Variants in LMX1A observed in about 807,000 individuals in gnomAD.
LMX1A encodes LIM homeobox transcription factor 1 alpha.
LMX1A carries 15 observed loss-of-function variants against 49.1 expected under a neutral mutation model. The observed-to-expected ratio is 0.31, with a 90% CI of 0.20 to 0.47. The LOEUF is 0.47. LMX1A is among the 20% of genes least tolerant of loss of function. The pLI, the probability that LMX1A is intolerant of heterozygous loss-of-function variation, is 1.00. For synonymous variants in LMX1A, 167 were observed against 185.7 expected, an observed-to-expected ratio of 0.90 and a Z score of 0.82; for missense variants, 372 against 475.8, an observed-to-expected ratio of 0.78 and a Z score of 2.03.
rs573087258 is a variant in LMX1A, at chr1:165,280,408, A to T, written c.264-30768T>A. 5.9e-5 allele frequency among the ~76,000 whole-genome samples: 9 copies of T among 151,610 alleles called. No individual in the cohort carries two copies. In the South Asian group the frequency reaches 1.7e-3, roughly 28 times the overall value. ...CCCTGATGAGCCATCATCTGAAGCCAGCCTCTTCAGTGGGCTGAGGGCTGA... is the reference window on the plus strand; with the variant it reads ...CCCTGATGAGCCATCATCTGAAGCCTGCCTCTTCAGTGGGCTGAGGGCTGA... On this transcript the variant is annotated intron_variant, in intron 3 of 8. Coordinates refer to ENST00000342310, the MANE Select transcript of LMX1A (RefSeq NM_177398.4).
intron 3 of LMX1A, among the ~76,000 whole-genome samples, chr1:165,278,689 G>A (rs1654045191): frequency 6.6e-6 from 1 of 152,198 alleles, no homozygotes; most frequent in Non-Finnish European, 1.5e-5. Context: ...CAGTTGTATA[G>A]GAGATGGCAG....
chr1:165,247,736 C>T (rs898137378), intron 4 of LMX1A, among the ~76,000 whole-genome samples: 4 of 152,188 alleles, frequency 2.6e-5, no homozygotes, highest in African/African-American at 9.7e-5. Context: ...TATATGCATT[C>T]TCTCTCATTC....
At chr1:165,228,024 T>A (rs1857748) in intron 4 of LMX1A, among the ~76,000 whole-genome samples, 152,281 of 152,386 alleles carry the variant, frequency 1, 76,088 homozygotes, top group Middle Eastern at 1. Context: ...AGTAGTGAAT[T>A]AAACAGACAG....
intron 4 of LMX1A, among the ~76,000 whole-genome samples, chr1:165,214,565 C>T (rs1003087598): frequency 6.6e-6 from 1 of 152,278 alleles, no homozygotes; most frequent in Non-Finnish European, 1.5e-5. Context: ...GCACTGAGTG[C>T]CCTAAATGCC....
Position 165,202,757 on chromosome 1 carries a change from G to A in LMX1A, c.*1123C>T, listed in dbSNP as rs895124541. 4 of 152,480 alleles carry A rather than the reference G, an allele frequency of 2.6e-5. No homozygotes were observed. Among genetic ancestry groups the A allele is most frequent in the African/African-American group, 7.2e-5 (3 of 41,392 alleles). 9.4% of individuals were successfully genotyped at this position (152,480 alleles called of 1,614,324 possible). On this transcript the variant is annotated 3_prime_UTR_variant, in exon 9 of 9. Transcript: ENST00000342310. ...GATCCCTCTGAACTGCTCTGAGCTG[G>A]TGTCTCCTTCAGCACAGGCTTTGCA...
chr1:165,288,529 C>T (rs1004384838), intron 3 of LMX1A, among the ~76,000 whole-genome samples: 2 of 152,152 alleles, frequency 1.3e-5, no homozygotes, highest in African/African-American at 4.8e-5. Context: ...AAAAACCCCT[C>T]CTGGGCCGGT....
rs867899826 is a variant in LMX1A, at chr1:165,203,684, A to G, written c.*196T>C. 6.2e-6 allele frequency: 3 copies of G among 481,054 alleles called. No individual in the cohort carries two copies. The highest frequency in any genetic ancestry group is 1.1e-5 in the Non-Finnish European group (3 of 266,978). The allele number at this position is 481,054 out of a possible 1,614,324, so 29.8% of individuals were successfully genotyped here. A position where few individuals can be genotyped will look rare whatever the true frequency, so the allele number is the denominator to read the frequency against. ...TAATGCTAAGACTCTTATTAGAAAC[A>G]TTAAACTATGCAATCCATAATGTAT... On this transcript the variant is annotated 3_prime_UTR_variant, in exon 9 of 9. Transcript: ENST00000342310.
At chr1:165,239,118 C>T (rs1430717784) in intron 4 of LMX1A, among the ~76,000 whole-genome samples, 1 of 152,054 alleles carries the variant, frequency 6.6e-6, no homozygotes, top group Non-Finnish European at 1.5e-5. Context: ...TTATTTTTTA[C>T]AGAGGTGGAG....
rs186807467 is a variant in LMX1A, at chr1:165,204,006, G to A, written c.1023C>T (p.Asp341=). ...CACCCAGGTTACTGAGGGAGGTGTC[G>A]TCGCTATCCAGGTCATGGAAAAGGG... ...AEPLFHDLDS[D]DTSLSNLGDC... Residue 341 remains aspartate (D), a synonymous_variant, in exon 9 of 9, where the codon GAC becomes GAT. Coordinates refer to ENST00000342310, the MANE Select transcript of LMX1A (RefSeq NM_177398.4). 17 of 1,614,122 alleles carry A rather than the reference G, an allele frequency of 1.1e-5. No homozygotes were observed. In the Admixed American group the frequency reaches 1.3e-4, roughly 13 times the overall value.
chr1:165,335,766 A>G (rs1208905302), intron 3 of LMX1A, among the ~76,000 whole-genome samples: 1 of 152,142 alleles, frequency 6.6e-6, no homozygotes, highest in African/African-American at 2.4e-5. Context: ...TTTATCTTCT[A>G]TTTGAAGCTC....
chr1:165,270,981 C>T (rs1360121536), intron 3 of LMX1A, among the ~76,000 whole-genome samples: 24 of 152,188 alleles, frequency 1.6e-4, no homozygotes, highest in Non-Finnish European at 2.8e-4. Flanking sequence ...TCCCAACAGC[C>T]AGCCATTTCC....
chr1:165,208,449 G>T (rs1651191932), intron 6 of LMX1A, among the ~76,000 whole-genome samples: 1 of 152,152 alleles, frequency 6.6e-6, no homozygotes, highest in Non-Finnish European at 1.5e-5. Context: ...TAGGTAATAA[G>T]TGTGTGACTG....
intron 3 of LMX1A, among the ~76,000 whole-genome samples, chr1:165,255,115 A>G (rs1653191086): frequency 1.3e-5 from 2 of 152,280 alleles, no homozygotes; most frequent in South Asian, 2.1e-4. Context: ...GGGAGTTCAC[A>G]TTCTCTGGAA....
At chr1:165,242,943 A>AC (rs1234205489) in intron 4 of LMX1A, among the ~76,000 whole-genome samples, 1 of 150,040 alleles carries the variant, frequency 6.7e-6, no homozygotes, top group Non-Finnish European at 1.5e-5. Flanking sequence ...AAAAAAAAAA[A>AC]AAAACAAAAC....
chr1:165,249,150 C>CTG (rs10650881), intron 4 of LMX1A, among the ~76,000 whole-genome samples: 1,586 of 152,178 alleles, frequency 0.01, 37 homozygotes, highest in African/African-American at 0.036. Context: ...CCGGACATTT[C>CTG]TGTGTGTGTG....
At chr1:165,301,413 C>T (rs979477615) in intron 3 of LMX1A, among the ~76,000 whole-genome samples, 1 of 152,108 alleles carries the variant, frequency 6.6e-6, no homozygotes, top group Non-Finnish European at 1.5e-5. Context: ...AATTCTATAA[C>T]ACATTATGAT....
intron 2 of LMX1A, among the ~76,000 whole-genome samples, chr1:165,354,975 C>T (rs756234364): frequency 2.0e-5 from 3 of 152,138 alleles, no homozygotes; most frequent in Non-Finnish European, 4.4e-5. Flanking sequence ...AGGGCCCAGC[C>T]GCGCGGTCTA....
At chr1:165,304,419 C>T (rs1009769439) in intron 3 of LMX1A, among the ~76,000 whole-genome samples, 1 of 152,156 alleles carries the variant, frequency 6.6e-6, no homozygotes, top group African/African-American at 2.4e-5. Flanking sequence ...TGTTTGGGGA[C>T]TATGTCACCC....
intron 4 of LMX1A, among the ~76,000 whole-genome samples, chr1:165,223,690 T>C (rs539766232): frequency 6.6e-6 from 1 of 152,244 alleles, no homozygotes; most frequent in South Asian, 2.1e-4. Flanking sequence ...TGTTTGTCTA[T>C]CTCAAATACT....
Sources: gnomAD v4.1 joint callset for allele counts (sites outside exome capture counted in the v4.1 genomes callset) on GRCh38, gnomAD v4.1.1 for gene constraint, MANE v1.5 for transcripts, NCBI Gene and HGNC (gene_info 2026-07-23, HGNC 2026-07-21) for gene names.